The following MFSD6 variants were observed in gnomAD, a reference collection of about 807,000 sequenced individuals.
MFSD6 encodes the protein major facilitator superfamily domain containing 6, also known as major facilitator superfamily domain-containing protein 6.
Under a neutral mutation model 56.3 loss-of-function variants are expected in MFSD6, and 26 were observed. The observed-to-expected ratio is 0.46, with a 90% confidence interval of 0.34 to 0.64. MFSD6 has a LOEUF of 0.64. Among genes scored for constraint, MFSD6 ranks in the 30% least tolerant of loss-of-function variants. MFSD6 has a pLI of 0.01. For synonymous variants in MFSD6, 331 were observed against 366.9 expected, an observed-to-expected ratio of 0.90 and a Z score of 1.12; for missense variants, 750 against 986.2, an observed-to-expected ratio of 0.76 and a Z score of 3.21.
chr2:190,430,826 C>T (rs1223566527), intron 2 of MFSD6, among the ~76,000 whole-genome samples: 7 of 146,192 alleles, frequency 4.8e-5, no homozygotes, highest in Non-Finnish European at 7.5e-5. Context: ...CCGGACGGGG[C>T]GGCCGGCCGG....
At position 190,489,565 on chromosome 2, in the gene MFSD6, C is replaced by G. The variant is rs931905043; in HGVS notation, c.1793-203C>G. On this transcript the variant is annotated intron_variant, in intron 5 of 7. Transcript: ENST00000392328. The surrounding 1 kb of genome is among the most constrained non-coding windows in gnomAD (Gnocchi z 6.6). Reference sequence around the variant, plus strand: ...ATGCAGTTTTATAATCGATCAATGACAGATCCAATATCAGCCCTGGGTCTC... The same window carrying G: ...ATGCAGTTTTATAATCGATCAATGAGAGATCCAATATCAGCCCTGGGTCTC... Among the ~76,000 whole-genome samples the G allele has an allele frequency of 6.6e-6, 1 of 152,194 alleles. No homozygotes were observed. Among genetic ancestry groups the G allele is most frequent in the African/African-American group, 2.4e-5 (1 of 41,446 alleles).
rs1188771607 is a variant in MFSD6, at chr2:190,485,355, A to G, written c.1631-3302A>G. On this transcript the variant is annotated intron_variant, in intron 4 of 7. Coordinates refer to ENST00000392328, the MANE Select transcript of MFSD6 (RefSeq NM_017694.4). This position sits in a 1 kb window ranked among gnomAD's most constrained non-coding sequence, Gnocchi z 5.1. ...TTGATTGCTTAGACATACACATAAC[A>G]AGAGGTTTGGCGTCAGCATTAAAGT... Among the ~76,000 whole-genome samples, 1 of 152,196 alleles carries G rather than the reference A, an allele frequency of 6.6e-6. No homozygotes were observed. Among genetic ancestry groups the G allele is most frequent in the African/African-American group, 2.4e-5 (1 of 41,464 alleles).
rs1689409822 is a variant in MFSD6, at chr2:190,492,389, G to A, written c.1891+2523G>A. Among the ~76,000 whole-genome samples the A allele has an allele frequency of 6.6e-6, 1 of 152,198 alleles. No individual in the cohort carries two copies. The highest frequency in any genetic ancestry group is 2.4e-5 in the African/African-American group (1 of 41,434). On this transcript the variant is annotated intron_variant, in intron 6 of 7. Transcript: ENST00000392328. The surrounding 1 kb of genome is among the most constrained non-coding windows in gnomAD (Gnocchi z 5.2). ...GAGGAAGGAAAGAATCTTAAGAGCT[G>A]TGAGGCAAAAGCACCAGATAACCTA...
chr2:190,493,312 C>T (rs1028669452), intron 6 of MFSD6, among the ~76,000 whole-genome samples: 1 of 152,086 alleles, frequency 6.6e-6, no homozygotes, highest in Non-Finnish European at 1.5e-5. Context: ...GATAAAAGGC[C>T]TTGCCCAACA....
chr2:190,477,804 A>C (rs1288732738), intron 4 of MFSD6, among the ~76,000 whole-genome samples: 1 of 152,206 alleles, frequency 6.6e-6, no homozygotes, highest in African/African-American at 2.4e-5. Flanking sequence ...GCTTACCCTA[A>C]GGAGAATAAT....
In MFSD6 at chr2:190,437,362, G is replaced by T; in HGVS notation, c.1333G>T (p.Val445Leu). The T allele has an allele frequency of 6.2e-7, 1 of 1,614,226 alleles. No homozygotes were observed. The highest frequency in any genetic ancestry group is 8.5e-7 in the Non-Finnish European group (1 of 1,180,044). ...FWDLIKLLCS[V>L]QYGSVLFVAW... ...GGACTTAATCAAGCTGCTCTGCAGC[G>T]TGCAGTATGGCTCAGTGCTGTTTGT... Residue 445 changes from valine (V) to leucine (L), a missense_variant, in exon 3 of 8, where the codon GTG becomes TTG. Physicochemically the swap from Val to Leu is conservative, Grantham distance 32 (BLOSUM62 1). Coordinates refer to ENST00000392328, the MANE Select transcript of MFSD6 (RefSeq NM_017694.4). This position sits in a 1 kb window ranked among gnomAD's most constrained non-coding sequence, Gnocchi z 5.9.
At chr2:190,445,929 A>T (rs1277198459) in intron 3 of MFSD6, among the ~76,000 whole-genome samples, 1 of 152,250 alleles carries the variant, frequency 6.6e-6, no homozygotes, top group East Asian at 1.9e-4. Flanking sequence ...TTTGTTTTTT[A>T]TCGGGATAGG....
intron 3 of MFSD6, among the ~76,000 whole-genome samples, chr2:190,455,422 G>T (rs998440186): frequency 6.6e-5 from 10 of 152,222 alleles, no homozygotes; most frequent in African/African-American, 1.2e-4. Context: ...TCCCTGAAAG[G>T]TTTCTGATCC....
Position 190,469,636 on chromosome 2 carries a change from T to G in MFSD6, c.1533-122T>G, listed in dbSNP as rs1687797588. On this transcript the variant is annotated intron_variant, in intron 3 of 7. Transcript: ENST00000392328. The surrounding 1 kb of genome is among the most constrained non-coding windows in gnomAD (Gnocchi z 5.3). ...GGAGTCTGCTGGATGATGGGTGGTT[T>G]GGGGAAGGAAAAGGTAGGTAATATT... 6.5e-6 allele frequency: 3 copies of G among 460,882 alleles called. No homozygotes were observed. Among genetic ancestry groups the G allele is most frequent in the Non-Finnish European group, 1.0e-5 (3 of 292,256 alleles). The allele number at this position is 460,882 out of a possible 1,614,324, so 28.5% of individuals were successfully genotyped here.
intron 3 of MFSD6, among the ~76,000 whole-genome samples, chr2:190,468,560 C>A (rs1175840793): frequency 6.6e-6 from 1 of 151,548 alleles, no homozygotes. Context: ...TCAAGCAGTC[C>A]TCCTACCTCA....
In MFSD6 at chr2:190,431,066, G is replaced by A. The variant is rs1398272389; in HGVS notation, c.-53-4911G>A. 8.2e-6 allele frequency among the ~76,000 whole-genome samples: 1 copy of A among 122,214 alleles called. No homozygotes were observed. Among genetic ancestry groups the A allele is most frequent in the African/African-American group, 2.7e-5 (1 of 36,434 alleles). 80.2% of individuals were successfully genotyped at this position (122,214 alleles called of 152,430 possible). A position where few individuals can be genotyped will look rare whatever the true frequency, so the allele number is the denominator to read the frequency against. On this transcript the variant is annotated intron_variant, in intron 2 of 7. Coordinates refer to ENST00000392328, the MANE Select transcript of MFSD6 (RefSeq NM_017694.4). The surrounding 1 kb of genome is among the most constrained non-coding windows in gnomAD (Gnocchi z 4.4). Reference sequence around the variant, plus strand: ...CAGAGGCGCTCCTCACCTCCCAGACGGGGTCGCAGCCGGGCAGAGGCGCTC... The same window carrying A: ...CAGAGGCGCTCCTCACCTCCCAGACAGGGTCGCAGCCGGGCAGAGGCGCTC...
intron 3 of MFSD6, among the ~76,000 whole-genome samples, chr2:190,449,293 G>T (rs866588071): frequency 1.3e-5 from 2 of 151,968 alleles, no homozygotes; most frequent in African/African-American, 4.8e-5. Flanking sequence ...GGTCAACATG[G>T]TGAAACCCCA....
intron 1 of MFSD6, chr2:190,411,835 G>GCTTT: frequency 1.0e-6 from 1 of 985,316 alleles, no homozygotes; most frequent in African/African-American, 1.7e-5. Flanking sequence ...CAATAAGAAT[G>GCTTT]CTTTGGAGCA....
rs1686088763 is a variant in MFSD6, at chr2:190,433,936, A to AC, written c.-53-2041_-53-2040insC. Among the ~76,000 whole-genome samples the AC allele has an allele frequency of 6.6e-6, 1 of 152,196 alleles. No individual in the cohort carries two copies. The highest frequency in any genetic ancestry group is 1.5e-5 in the Non-Finnish European group (1 of 68,030). ...CAGGGTGCAGTGGTTCACGCCTGTA[A>AC]TCCCAGCACTTTGGGAGGCTGAGGC... is the stretch of plus-strand genomic sequence containing the variant. On this transcript the variant is annotated intron_variant, in intron 2 of 7. Coordinates refer to ENST00000392328, the MANE Select transcript of MFSD6 (RefSeq NM_017694.4). This position sits in a 1 kb window ranked among gnomAD's most constrained non-coding sequence, Gnocchi z 4.5.
At chr2:190,455,282 TTA>T (rs1416062000) in intron 3 of MFSD6, among the ~76,000 whole-genome samples, 1 of 91,494 alleles carries the variant, frequency 1.1e-5, no homozygotes. Flanking sequence ...CATAGCTCTA[TTA>T]ATTAAATTTT....
rs59001642 is a variant in MFSD6 at position 190,417,965 on chromosome 2, G to GGTGTGT, written c.-54+2583_-54+2588dup. Among the ~76,000 whole-genome samples, 16,099 of 144,466 alleles carry GGTGTGT rather than the reference G, an allele frequency of 0.11. 1,008 individuals are homozygous for GGTGTGT. The highest frequency in any genetic ancestry group is 0.22 in the East Asian group (1,065 of 4,918). The allele number at this position is 144,466 out of a possible 152,430, so 94.8% of individuals were successfully genotyped here. A position where few individuals can be genotyped will look rare whatever the true frequency, so the allele number is the denominator to read the frequency against. On this transcript the variant is annotated intron_variant, in intron 2 of 7. Transcript: ENST00000392328. The surrounding 1 kb of genome is among the most constrained non-coding windows in gnomAD (Gnocchi z 5.7). ...CTGACTTTTCATTTAACCCTTTAGT[G>GGTGTGT]GTGTGTGTGTGTGTGTGTGTGTGTG...
In MFSD6 at chr2:190,495,044, A is replaced by C. The variant is rs1427901796; in HGVS notation, c.1892-2395A>C. On this transcript the variant is annotated intron_variant, in intron 6 of 7. Transcript: ENST00000392328. This position sits in a 1 kb window ranked among gnomAD's most constrained non-coding sequence, Gnocchi z 4.7. ...GAAATAAAGGGCATCCAAATAGGTA[A>C]AGAGGAAGTCAAACTGTCGCTGTTT... is the stretch of plus-strand genomic sequence containing the variant. Among the ~76,000 whole-genome samples the C allele has an allele frequency of 6.6e-6, 1 of 152,184 alleles. No homozygotes were observed. Among genetic ancestry groups the C allele is most frequent in the Non-Finnish European group, 1.5e-5 (1 of 68,026 alleles).
In MFSD6 at chr2:190,490,263, TAAA is replaced by T. The variant is rs141689643; in HGVS notation, c.1891+409_1891+411del. 6.9e-6 allele frequency among the ~76,000 whole-genome samples: 1 copy of T among 144,050 alleles called. No individual in the cohort carries two copies. The highest frequency in any genetic ancestry group is 1.5e-5 in the Non-Finnish European group (1 of 65,812). The allele number at this position is 144,050 out of a possible 152,430, so 94.5% of individuals were successfully genotyped here. On this transcript the variant is annotated intron_variant, in intron 6 of 7. Transcript: ENST00000392328. The surrounding 1 kb of genome is among the most constrained non-coding windows in gnomAD (Gnocchi z 4.5). ...TTCTCTATGACTTACCTTCATTTGT[TAAA>T]AAAAAAAAAAACAATGGCCGGGTGC...
At chr2:190,472,842 T>C (rs770799378) in intron 4 of MFSD6, among the ~76,000 whole-genome samples, 2 of 152,070 alleles carry the variant, frequency 1.3e-5, no homozygotes, top group African/African-American at 4.8e-5. Context: ...GAGAGAAAGG[T>C]CGGGTTACCC....
Sources: gnomAD v4.1 joint callset for allele counts (sites outside exome capture counted in the v4.1 genomes callset) on GRCh38, gnomAD v4.1.1 for gene constraint, Gnocchi (gnomAD v3.1) non-coding constraint, MANE v1.5 for transcripts, NCBI Gene and HGNC (gene_info 2026-07-23, HGNC 2026-07-21) for gene names.